AMY2B: variants seen among roughly 807,000 people sequenced by gnomAD.
The protein encoded by AMY2B is amylase alpha 2B.
A neutral mutation model predicts 59.3 loss-of-function variants in AMY2B; 63 were observed. The observed-to-expected ratio is 1.06, with a 90% confidence interval of 0.87 to 1.31. AMY2B has a LOEUF of 1.31. Among genes scored for constraint, AMY2B ranks in the 50% most tolerant of loss-of-function variants. AMY2B has a pLI of 0.00. For synonymous variants in AMY2B, 180 were observed against 198.1 expected, an observed-to-expected ratio of 0.91 and a Z score of 0.77; for missense variants, 635 against 626.7, an observed-to-expected ratio of 1.01 and a Z score of -0.14.
chr1:103,572,957 A>C, intron 2 of AMY2B, 106 bp from the exon 3 acceptor site: 2 of 1,591,228 alleles, frequency 1.3e-6, no homozygotes, highest in East Asian at 2.2e-5. Context: ...ATAAGATATC[A>C]TGAAATATTT....
At chr1:103,575,381 C>A (rs761519391) in intron 6 of AMY2B, 36 bp downstream of exon 6, 1 of 1,612,764 alleles carries the variant, frequency 6.2e-7, no homozygotes, top group Non-Finnish European at 8.5e-7. Flanking sequence ...TTTAACACAT[C>A]TTTTAATGAT....
chr1:103,571,026 A>C, upstream of AMY2B: 1 of 380,296 alleles, frequency 2.6e-6, no homozygotes, highest in South Asian at 3.3e-5. Context: ...CAGGGTATTA[A>C]TGTGTCAGGA....
At chr1:103,569,322 G>A (rs965435020), upstream of AMY2B, 2 of 145,278 alleles carry the variant, frequency 1.4e-5, no homozygotes, top group African/African-American at 5.2e-5. Flanking sequence ...ATATGTGTGT[G>A]TTTGTGTATA....
intron 4 of AMY2B, 78 bp from the exon 5 acceptor site, chr1:103,574,182 T>C: frequency 6.3e-7 from 1 of 1,588,364 alleles, no homozygotes; most frequent in South Asian, 1.2e-5. Context: ...AAGCTATCTT[T>C]TATATAATAT....
At position 103,574,242 on chromosome 1, in the gene AMY2B, T is replaced by C. The variant is rs768277222; in HGVS notation, c.745-18T>C. ...AAGTCCTTATGCAAAATGTTACTTT[T>C]TCCTAATTTTCTACTAGGTAATTGA... is the stretch of plus-strand genomic sequence containing the variant. On this transcript the variant is annotated intron_variant, in intron 4 of 9. Coordinates refer to ENST00000684275, the MANE Select transcript of AMY2B (RefSeq NM_001387437.1). 2 of 1,611,754 alleles carry C rather than the reference T, an allele frequency of 1.2e-6. No individual in the cohort carries two copies. The highest frequency in any genetic ancestry group is 2.2e-5 in the South Asian group (2 of 90,978).
At chr1:103,575,407 A>G in intron 6 of AMY2B, 34 bp from the exon 7 acceptor site, 11 of 1,612,934 alleles carry the variant, frequency 6.8e-6, no homozygotes, top group Non-Finnish European at 9.3e-6. Context: ...TGATATTCTG[A>G]TATTCTGTGA....
At chr1:103,572,312 C>G in intron 2 of AMY2B, 56 bp downstream of exon 2, 1 of 1,587,240 alleles carries the variant, frequency 6.3e-7, no homozygotes, top group Non-Finnish European at 8.6e-7. Context: ...ATTTCTCTCT[C>G]TTCTTTCTTG....
chr1:103,577,131 A>G (rs1322611840), intron 7 of AMY2B, among the ~76,000 whole-genome samples: 3 of 152,144 alleles, frequency 2.0e-5, no homozygotes, highest in Non-Finnish European at 2.9e-5. Flanking sequence ...TTAGCTACTT[A>G]GGAGGCTGAG....
intron 2 of AMY2B, 90 bp downstream of exon 2, chr1:103,572,346 C>T: frequency 1.3e-6 from 2 of 1,531,696 alleles, no homozygotes; most frequent in Non-Finnish European, 8.7e-7. Flanking sequence ...GAAAGTTTTC[C>T]ATATTTTATT....
At chr1:103,570,912 CAGTCTTT>C (rs921837367), upstream of AMY2B, 3 of 355,908 alleles carry the variant, frequency 8.4e-6, no homozygotes, top group African/African-American at 6.4e-5. Flanking sequence ...TCTTTGATTT[CAGTCTTT>C]AGTACATGTG....
intron 9 of AMY2B, among the ~76,000 whole-genome samples, chr1:103,578,293 C>A (rs1652442832): frequency 2.0e-5 from 3 of 152,138 alleles, no homozygotes; most frequent in African/African-American, 7.2e-5. Context: ...TTTTGGTATA[C>A]TTTCTTCACT....
Position 103,577,603 on chromosome 1 carries a change from A to T in AMY2B, c.1215A>T (p.Gln405His). ...NDWVCEHRWR[Q>H]IRNMVNFRNV... Reference sequence around the variant, plus strand: ...GGGTCTGTGAACATCGATGGCGCCAAATAAGGTGAGAATATGTATTTAGAC... The same window carrying T: ...GGGTCTGTGAACATCGATGGCGCCATATAAGGTGAGAATATGTATTTAGAC... Residue 405 changes from glutamine (Q) to histidine (H), a missense_variant, in exon 8 of 10, where the codon CAA becomes CAT. Coordinates refer to ENST00000684275, the MANE Select transcript of AMY2B (RefSeq NM_001387437.1). The T allele has an allele frequency of 3.1e-6, 5 of 1,611,912 alleles. No homozygotes were observed. Among genetic ancestry groups the T allele is most frequent in the Non-Finnish European group, 4.2e-6 (5 of 1,179,780 alleles).
chr1:103,570,188 A>G (rs1394993953), upstream of AMY2B: 2 of 484,342 alleles, frequency 4.1e-6, no homozygotes, highest in Non-Finnish European at 8.2e-6. Context: ...CACTACGTCA[A>G]GGAGAAACTG....
rs148052058 is a variant in AMY2B at position 103,563,456 on chromosome 1, G to A, written c.-206-1979G>A. The stretch of plus-strand genomic sequence containing the variant: ...TCCTTATTTTTGTGTTTTTGATGCC[G>A]AAGATGCTAAGAATTGTTTGTGCAG... On this transcript the variant is annotated intron_variant, in intron 1 of 11. Transcript: ENST00000361355. 5.6e-4 allele frequency among the ~76,000 whole-genome samples: 85 copies of A among 152,118 alleles called. No homozygotes were observed. The East Asian group carries it at 0.015, about 26-fold the overall frequency.
At position 103,577,611 on chromosome 1, in the gene AMY2B, G is replaced by A. The variant is rs1168139563; in HGVS notation, c.1220+3G>A. ...GAACATCGATGGCGCCAAATAAGGT[G>A]AGAATATGTATTTAGACATGTCCTC... On this transcript the variant is annotated splice_donor_region_variant and intron_variant, in intron 8 of 9. Transcript: ENST00000684275. 3.7e-6 allele frequency: 6 copies of A among 1,611,780 alleles called. No individual in the cohort carries two copies. The Admixed American group carries it at 1.0e-4, about 27-fold the overall frequency.
Position 103,577,746 on chromosome 1 carries a change from T to C in AMY2B, c.1247T>C (p.Val416Ala), listed in dbSNP as rs1404364860. The change falls in exon 9 of 10, where the codon GTG becomes GCG. Residue 416 changes from valine (V) to alanine (A), a missense_variant. Physicochemically the swap from Val to Ala is moderately conservative, Grantham distance 64 (BLOSUM62 0). Transcript: ENST00000684275. ...AACATGGTTAATTTCCGCAATGTAG[T>C]GGATGGCCAGCCTTTTACAAACTGG... ...IRNMVNFRNVVDGQPFTNWYD... is the reference protein window; with the variant it reads ...IRNMVNFRNVADGQPFTNWYD... 1 of 1,610,678 alleles carries C rather than the reference T, an allele frequency of 6.2e-7. No individual in the cohort carries two copies. Among genetic ancestry groups the C allele is most frequent in the Non-Finnish European group, 8.5e-7 (1 of 1,179,786 alleles).
chr1:103,554,669 A>G (rs1651489429), upstream of AMY2B: 1 of 152,588 alleles, frequency 6.6e-6, no homozygotes, highest in African/African-American at 2.4e-5. Context: ...CCTAGTATCA[A>G]CCTAGCCATC....
Position 103,575,285 on chromosome 1 carries a change from A to G in AMY2B, c.941A>G (p.His314Arg), listed in dbSNP as rs548551542. Residue 314 changes from histidine (H) to arginine (R), a missense_variant, in exon 6 of 10, where the codon CAT becomes CGT. Transcript: ENST00000684275. ...SDRALVFVDN[H>R]DNQRGHGAGG... ...AGAGCACTTGTCTTTGTGGATAACC[A>G]TGACAATCAACGAGGACATGGGGCT... is the stretch of plus-strand genomic sequence containing the variant. The G allele has an allele frequency of 6.2e-7, 1 of 1,613,674 alleles. No individual in the cohort carries two copies. The highest frequency in any genetic ancestry group is 1.1e-5 in the South Asian group (1 of 91,062).
intron 1 of AMY2B, chr1:103,555,383 T>C (rs1387994096): frequency 6.6e-6 from 1 of 151,966 alleles, no homozygotes; most frequent in African/African-American, 2.4e-5. Context: ...CAAAGCACTT[T>C]CACATTTTTT....
Sources: allele counts gnomAD v4.1 joint callset (sites outside exome capture counted in the v4.1 genomes callset), GRCh38; gene constraint gnomAD v4.1.1; transcripts MANE v1.5; gene names NCBI Gene and HGNC (gene_info 2026-07-23, HGNC 2026-07-21).